MRE11: variants seen among roughly 807,000 people sequenced by gnomAD.
MRE11 encodes double-strand break repair protein MRE11.
MRE11 carries 62 observed loss-of-function variants against 91.7 expected under a neutral mutation model. That is an observed-to-expected ratio of 0.68 (90% CI 0.55 to 0.84). The LOEUF (loss-of-function observed/expected upper bound fraction) is 0.84, where lower values mean the gene tolerates loss of function less well. MRE11 is among the 40% of genes least tolerant of loss of function. The pLI, the probability that MRE11 is intolerant of heterozygous loss-of-function variation, is 0.00. For missense variants in MRE11, 796 were observed against 852.9 expected (o/e 0.93, Z 0.83); for synonymous variants, 273 against 271.4 (o/e 1.01, Z -0.06).
At chr11:94,458,937 T>G (rs625245) in intron 13 of MRE11, among the ~76,000 whole-genome samples, 47,438 of 152,010 alleles carry the variant, frequency 0.31, 7,791 homozygotes, top group Middle Eastern at 0.41. Flanking sequence ...ATACAAATAT[T>G]TTCATGTCAA....
chr11:94,505,722 G>A, the MRE11 span, among the ~76,000 whole-genome samples: 3 of 152,212 alleles, frequency 2.0e-5, no homozygotes, highest in South Asian at 2.1e-4. Flanking sequence ...TAATGTCTTA[G>A]GCCATCACAT....
intron 10 of MRE11, 96 bp from the exon 11 acceptor site, chr11:94,464,335 T>C: frequency 6.7e-7 from 1 of 1,487,740 alleles, no homozygotes; most frequent in South Asian, 1.2e-5. Flanking sequence ...TGTTTATGCT[T>C]GATACTTTGA....
chr11:94,467,735 T>C, intron 10 of MRE11, 78 bp downstream of exon 10: 4 of 1,311,648 alleles, frequency 3.0e-6, no homozygotes, highest in Non-Finnish European at 4.4e-6. Context: ...CCTCACTACT[T>C]TTCAAAGAAA....
intron 13 of MRE11, 67 bp from the exon 14 acceptor site, chr11:94,456,405 G>T: frequency 8.2e-7 from 1 of 1,224,934 alleles, no homozygotes; most frequent in Non-Finnish European, 1.2e-6. Flanking sequence ...AAAACAAGGG[G>T]CTACAATTAA....
chr11:94,489,805 A>T (rs909136540), intron 3 of MRE11, among the ~76,000 whole-genome samples: 5 of 152,186 alleles, frequency 3.3e-5, no homozygotes, highest in African/African-American at 1.2e-4. Context: ...GTCCCATTGC[A>T]GTCTCCAACT....
chr11:94,426,414 G>GAATCAAATTAACAATTTGTTAATTTA (rs149540827), intron 19 of MRE11, among the ~76,000 whole-genome samples: 518 of 147,864 alleles, frequency 3.5e-3, no homozygotes, highest in Middle Eastern at 6.9e-3. Context: ...TTCATTAAGA[G>GAATCAAATTAACAATTTGTTAATTTA]AATCAAATTA....
intron 12 of MRE11, among the ~76,000 whole-genome samples, chr11:94,460,368 G>GT (rs1166339571): frequency 1.3e-5 from 2 of 152,188 alleles, no homozygotes; most frequent in Admixed American, 6.5e-5. Context: ...TACTTATGAC[G>GT]TAAGTTTCAG....
At chr11:94,499,360 G>A in the MRE11 span, 1 of 152,396 alleles carries the variant, frequency 6.6e-6, no homozygotes, top group African/African-American at 2.4e-5. Flanking sequence ...AGTCTCTCAA[G>A]TTCACAGGAA....
At chr11:94,430,121 C>T (rs558728090) in intron 18 of MRE11, 135 bp from the exon 19 acceptor site, 17 of 891,604 alleles carry the variant, frequency 1.9e-5, no homozygotes, top group Middle Eastern at 5.5e-4. Flanking sequence ...TCTACATTAG[C>T]GGCAATAAAA....
chr11:94,441,107 G>A (rs1945768205), intron 16 of MRE11, among the ~76,000 whole-genome samples: 1 of 152,110 alleles, frequency 6.6e-6, no homozygotes, highest in African/African-American at 2.4e-5. Context: ...TTCCTCCCCT[G>A]CATGCCACTC....
At chr11:94,432,297 C>T (rs1161201125) in intron 18 of MRE11, among the ~76,000 whole-genome samples, 3 of 152,178 alleles carry the variant, frequency 2.0e-5, no homozygotes, top group Non-Finnish European at 2.9e-5. Context: ...CCTATAAAGG[C>T]CAGTACGGCC....
chr11:94,458,990 T>C (rs1410566592), intron 13 of MRE11, among the ~76,000 whole-genome samples: 1 of 152,192 alleles, frequency 6.6e-6, no homozygotes. Context: ...ATGCAAACAT[T>C]TATAATTTCT....
intron 14 of MRE11, among the ~76,000 whole-genome samples, chr11:94,448,422 C>CA (rs373884127): frequency 0.023 from 3,356 of 144,342 alleles, 135 homozygotes; most frequent in African/African-American, 0.08. Context: ...ACCAAAAATA[C>CA]AAAAAAAAAA....
At position 94,487,279 on chromosome 11, in the gene MRE11, A is replaced by G. The variant is rs956775733; in HGVS notation, c.154-1195T>C. ...TGTTATGTATTTAATATATTTTGCC[A>G]TCATTCAAACATTTAAAAAAATTTT... On this transcript the variant is annotated intron_variant, in intron 3 of 19. Transcript: ENST00000323929. 2.0e-5 allele frequency among the ~76,000 whole-genome samples: 3 copies of G among 152,368 alleles called. No individual in the cohort carries two copies. The Middle Eastern group carries it at 0.01, about 518-fold the overall frequency.
chr11:94,456,487 T>C, intron 13 of MRE11, 149 bp from the exon 14 acceptor site: 2 of 698,800 alleles, frequency 2.9e-6, no homozygotes, highest in South Asian at 1.7e-5. Context: ...TTTCCAATTA[T>C]TAACGTTAAA....
intron 14 of MRE11, among the ~76,000 whole-genome samples, chr11:94,454,826 T>C (rs1430873259): frequency 6.6e-6 from 1 of 152,226 alleles, no homozygotes; most frequent in African/African-American, 2.4e-5. Context: ...TGTACCCTGT[T>C]AAATTGAAAG....
chr11:94,463,969 A>C (rs1255500984), intron 11 of MRE11, 144 bp downstream of exon 11: 16 of 890,376 alleles, frequency 1.8e-5, no homozygotes, highest in Admixed American at 8.0e-5. Flanking sequence ...TTAGAAGACA[A>C]GAGAATTATT....
chr11:94,459,656 T>C, intron 12 of MRE11, 75 bp from the exon 13 acceptor site: 1 of 1,452,120 alleles, frequency 6.9e-7, no homozygotes, highest in Non-Finnish European at 9.6e-7. Context: ...GCAAGGAAAA[T>C]TACCAAATAT....
At chr11:94,420,930 G>T (rs1345574883) in intron 19 of MRE11, among the ~76,000 whole-genome samples, 1 of 152,096 alleles carries the variant, frequency 6.6e-6, no homozygotes, top group African/African-American at 2.4e-5. Flanking sequence ...TACTCGGGAG[G>T]CTGAGGCAGG....
Sources: gnomAD v4.1 joint callset for allele counts (sites outside exome capture counted in the v4.1 genomes callset) on GRCh38, gnomAD v4.1.1 for gene constraint, MANE v1.5 for transcripts, NCBI Gene and HGNC (gene_info 2026-07-23, HGNC 2026-07-21) for gene names.